SEC11A: variants seen among roughly 807,000 people sequenced by gnomAD.
The protein encoded by SEC11A is signal peptidase complex catalytic subunit SEC11A.
A neutral mutation model predicts 25.6 loss-of-function variants in SEC11A; 14 were observed. That is an observed-to-expected ratio of 0.55 (90% CI 0.36 to 0.85). The LOEUF is 0.85. Ranked by LOEUF, SEC11A falls within the 40% of genes least tolerant of loss-of-function variation. SEC11A has a pLI of 0.01. For missense variants in SEC11A, 153 were observed against 222.9 expected (o/e 0.69, Z 2.00); for synonymous variants, 83 against 76.4 (o/e 1.09, Z -0.45).
At chr15:84,676,676 C>A (rs981378289) in intron 4 of SEC11A, among the ~76,000 whole-genome samples, 1 of 150,800 alleles carries the variant, frequency 6.6e-6, no homozygotes, top group Non-Finnish European at 1.5e-5. Flanking sequence ...ATCCCAGCTA[C>A]TCAGGAAGCT....
chr15:84,714,118 C>G (rs565505017), intron 1 of SEC11A, among the ~76,000 whole-genome samples: 1 of 147,370 alleles, frequency 6.8e-6, no homozygotes, highest in African/African-American at 2.5e-5. Context: ...ACCTCCCAGG[C>G]GATTCCCCTG....
At chr15:84,715,482 T>C (rs1898431183) in intron 1 of SEC11A, among the ~76,000 whole-genome samples, 2 of 152,044 alleles carry the variant, frequency 1.3e-5, no homozygotes, top group Non-Finnish European at 2.9e-5. Flanking sequence ...GGGCAAGTAG[T>C]GTAACTGTTC....
chr15:84,681,392 G>C (rs1441561788), intron 3 of SEC11A, among the ~76,000 whole-genome samples: 1 of 152,212 alleles, frequency 6.6e-6, no homozygotes, highest in Non-Finnish European at 1.5e-5. Context: ...CACTTTGGGA[G>C]GCCAAGGTGG....
At chr15:84,715,188 AATC>A (rs767590044) in intron 1 of SEC11A, among the ~76,000 whole-genome samples, 12 of 152,338 alleles carry the variant, frequency 7.9e-5, no homozygotes, top group East Asian at 5.8e-4. Flanking sequence ...ACATCAGGAT[AATC>A]ATAACAGTAA....
At chr15:84,707,854 G>A (rs181652680) in intron 1 of SEC11A, among the ~76,000 whole-genome samples, 2 of 152,052 alleles carry the variant, frequency 1.3e-5, no homozygotes, top group South Asian at 4.1e-4. Context: ...TTGTTACTAT[G>A]GTACTATATT....
At chr15:84,688,847 A>G (rs1897507986) in intron 2 of SEC11A, among the ~76,000 whole-genome samples, 1 of 152,152 alleles carries the variant, frequency 6.6e-6, no homozygotes, top group Non-Finnish European at 1.5e-5. Context: ...CCTGATCAAC[A>G]CAGTGAAACC....
chr15:84,700,983 TCA>T (rs1491412073), intron 1 of SEC11A, among the ~76,000 whole-genome samples: 1 of 14,690 alleles, frequency 6.8e-5, no homozygotes, highest in Admixed American at 7.7e-4. Context: ...AAACTCCATA[TCA>T]AAAAAAAAAA....
chr15:84,670,262 T>C (rs1021901400), intron 5 of SEC11A, 193 bp from the exon 6 acceptor site: 2 of 406,954 alleles, frequency 4.9e-6, no homozygotes, highest in Non-Finnish European at 8.5e-6. Context: ...AATTTTCTTT[T>C]TTTTTTTTTT....
intron 5 of SEC11A, 166 bp downstream of exon 5, chr15:84,670,559 T>A (rs570860782): frequency 6.8e-5 from 28 of 411,988 alleles, no homozygotes; most frequent in East Asian, 6.6e-4. Flanking sequence ...TTTTTTTTTT[T>A]AATAGAGACG....
At chr15:84,670,180 A>T in intron 5 of SEC11A, 111 bp from the exon 6 acceptor site, 1 of 912,596 alleles carries the variant, frequency 1.1e-6, no homozygotes, top group Middle Eastern at 2.3e-4. Context: ...CTACCCAATT[A>T]TTCTTTCATC....
At chr15:84,676,238 T>A (rs1170790621) in intron 4 of SEC11A, among the ~76,000 whole-genome samples, 3 of 152,058 alleles carry the variant, frequency 2.0e-5, no homozygotes, top group Non-Finnish European at 2.9e-5. Context: ...ATTTTTTTAG[T>A]GTGCAGCTGT....
rs376197829 is a variant in SEC11A at position 84,688,503 on chromosome 15, T to A, written c.162-729A>T. Among the ~76,000 whole-genome samples, 35 of 152,338 alleles carry A rather than the reference T, an allele frequency of 2.3e-4. No individual in the cohort carries two copies. The East Asian group carries it at 4.6e-3, about 20-fold the overall frequency. ...AGGTCCTAAGATATTTGCACTAATT[T>A]ATGAACCCCTTTTTATCTATAAAGA... is the stretch of plus-strand genomic sequence containing the variant. On this transcript the variant is annotated intron_variant, in intron 2 of 5. Transcript: ENST00000268220.
chr15:84,674,538 G>T (rs999135901), intron 4 of SEC11A, among the ~76,000 whole-genome samples: 1 of 151,602 alleles, frequency 6.6e-6, no homozygotes, highest in Non-Finnish European at 1.5e-5. Flanking sequence ...GCCTGCTTGT[G>T]AATAATCCAT....
chr15:84,684,673 T>G (rs1223575235), intron 3 of SEC11A, among the ~76,000 whole-genome samples: 2 of 152,174 alleles, frequency 1.3e-5, no homozygotes, highest in African/African-American at 2.4e-5. Context: ...GGGTCATGCC[T>G]GTAATCTCTG....
chr15:84,693,006 A>G (rs1897654704), intron 1 of SEC11A, among the ~76,000 whole-genome samples: 1 of 151,936 alleles, frequency 6.6e-6, no homozygotes, highest in South Asian at 2.1e-4. Context: ...TATGTTTTGT[A>G]GGGATGAGGT....
intron 1 of SEC11A, among the ~76,000 whole-genome samples, chr15:84,703,101 C>T (rs1897995898): frequency 6.6e-6 from 1 of 152,086 alleles, no homozygotes; most frequent in South Asian, 2.1e-4. Context: ...ACAGGCAAGA[C>T]CTTTGGGATT....
chr15:84,714,304 G>A (rs1490361600), intron 1 of SEC11A, among the ~76,000 whole-genome samples: 1 of 152,144 alleles, frequency 6.6e-6, no homozygotes, highest in African/African-American at 2.4e-5. Context: ...GTGAGCCACC[G>A]CACCCAGTCT....
intron 1 of SEC11A, among the ~76,000 whole-genome samples, chr15:84,707,374 A>C (rs1898127383): frequency 6.6e-6 from 1 of 151,584 alleles, no homozygotes; most frequent in African/African-American, 2.4e-5. Flanking sequence ...TTAGTAGAGA[A>C]AGGGTTTCAC....
intron 1 of SEC11A, among the ~76,000 whole-genome samples, chr15:84,700,056 C>G (rs968898590): frequency 2.0e-5 from 3 of 151,926 alleles, no homozygotes; most frequent in Non-Finnish European, 2.9e-5. Context: ...ATCCATCTAA[C>G]AAAGCTTCAC....
Sources: gnomAD v4.1 joint callset for allele counts (sites outside exome capture counted in the v4.1 genomes callset) on GRCh38, gnomAD v4.1.1 for gene constraint, MANE v1.5 for transcripts, NCBI Gene and HGNC (gene_info 2026-07-23, HGNC 2026-07-21) for gene names.